CNTN4: variants seen among roughly 807,000 people sequenced by gnomAD.
CNTN4 encodes contactin 4, also known as contactin-4.
CNTN4 carries 77 observed loss-of-function variants against 122.5 expected under a neutral mutation model. That is an observed-to-expected ratio of 0.63 (90% confidence interval 0.52 to 0.76). CNTN4 has a LOEUF of 0.76. CNTN4 is among the 30% of genes least tolerant of loss of function. CNTN4 has a pLI of 0.00. For synonymous variants in CNTN4, 512 were observed against 447.0 expected (o/e 1.15, Z -1.83); for missense variants, 1,256 against 1,259.1 (o/e 1.00, Z 0.04).
chr3:2,466,255 G>A (rs879565493), intron 3 of CNTN4, among the ~76,000 whole-genome samples: 1 of 152,194 alleles, frequency 6.6e-6, no homozygotes, highest in Non-Finnish European at 1.5e-5. Context: ...TGATACAAAA[G>A]ATGAAATGCT....
intron 12 of CNTN4, 128 bp downstream of exon 12, chr3:2,903,133 A>T: frequency 2.3e-6 from 2 of 870,526 alleles, no homozygotes; most frequent in Non-Finnish European, 3.5e-6. Flanking sequence ...CAAAGATGCT[A>T]CTCAAGAAAC....
chr3:2,506,258 A>G (rs948307382), intron 3 of CNTN4, among the ~76,000 whole-genome samples: 5 of 152,162 alleles, frequency 3.3e-5, no homozygotes, highest in African/African-American at 1.2e-4. Context: ...ATAAAATGAA[A>G]AGCCTCTGCT....
intron 8 of CNTN4, among the ~76,000 whole-genome samples, chr3:2,874,486 C>T (rs186225908): frequency 3.9e-4 from 59 of 152,146 alleles, no homozygotes; most frequent in African/African-American, 1.4e-3. Flanking sequence ...ATTTAACCAA[C>T]GAATACTCAT....
intron 2 of CNTN4, among the ~76,000 whole-genome samples, chr3:2,179,704 C>T (rs1020388638): frequency 1.3e-5 from 2 of 151,706 alleles, no homozygotes; most frequent in Admixed American, 1.3e-4. Flanking sequence ...AGATGATCTA[C>T]AGGTATAATT....
chr3:2,929,446 A>G (rs2151405139), intron 13 of CNTN4, among the ~76,000 whole-genome samples: 1 of 152,360 alleles, frequency 6.6e-6, no homozygotes, highest in Middle Eastern at 3.4e-3. Flanking sequence ...ATAAGGAGCT[A>G]TACAACAATT....
intron 2 of CNTN4, among the ~76,000 whole-genome samples, chr3:2,100,932 C>G (rs2031895927): frequency 6.6e-6 from 1 of 152,110 alleles, no homozygotes; most frequent in Non-Finnish European, 1.5e-5. Context: ...GACTAAGAGT[C>G]TAAGAGAAGT....
chr3:2,347,016 T>C (rs1042534464), intron 3 of CNTN4, among the ~76,000 whole-genome samples: 1 of 152,246 alleles, frequency 6.6e-6, no homozygotes, highest in Non-Finnish European at 1.5e-5. Flanking sequence ...TTCACTTTTT[T>C]CTTTATGTCT....
chr3:2,826,081 A>T (rs565898854), intron 7 of CNTN4, among the ~76,000 whole-genome samples: 1 of 152,314 alleles, frequency 6.6e-6, no homozygotes, highest in East Asian at 1.9e-4. Flanking sequence ...AGAAGCAAAG[A>T]GATTATGGAG....
At chr3:3,037,842 T>C (rs1275031799) in intron 18 of CNTN4, among the ~76,000 whole-genome samples, 1 of 152,248 alleles carries the variant, frequency 6.6e-6, no homozygotes, top group East Asian at 1.9e-4. Flanking sequence ...ATCGTGCTCA[T>C]TCGAACAAGA....
chr3:2,285,432 A>C (rs532181533), intron 2 of CNTN4, among the ~76,000 whole-genome samples: 4 of 152,096 alleles, frequency 2.6e-5, no homozygotes, highest in Non-Finnish European at 5.9e-5. Flanking sequence ...AAAAGGAAAC[A>C]CTTAAGATTG....
Position 3,056,436 on chromosome 3 carries a change from A to G in CNTN4, c.*216A>G. The G allele has an allele frequency of 1.9e-6, 1 of 518,270 alleles. No individual in the cohort carries two copies. 32.1% of individuals were successfully genotyped at this position (518,270 alleles called of 1,614,324 possible). ...CTTTGGAAACTCTGCAATGCACTGA[A>G]GACATCTGTAATATGATGTTACCAA... On this transcript the variant is annotated 3_prime_UTR_variant, in exon 25 of 25. Transcript: ENST00000418658.
chr3:2,982,355 G>T (rs949081217), intron 13 of CNTN4, among the ~76,000 whole-genome samples: 1 of 152,160 alleles, frequency 6.6e-6, no homozygotes, highest in Non-Finnish European at 1.5e-5. Flanking sequence ...CACTCTTCCT[G>T]TTGTCAGGGC....
intron 3 of CNTN4, among the ~76,000 whole-genome samples, chr3:2,493,313 A>C (rs996581092): frequency 1.3e-5 from 2 of 152,042 alleles, no homozygotes; most frequent in Non-Finnish European, 2.9e-5. Flanking sequence ...ATTATACTGG[A>C]CATTGGAAGA....
At chr3:2,103,097 A>G (rs1375426619) in intron 2 of CNTN4, among the ~76,000 whole-genome samples, 1 of 152,054 alleles carries the variant, frequency 6.6e-6, no homozygotes, top group Non-Finnish European at 1.5e-5. Context: ...TAGAGAAATT[A>G]AGTTATTTGT....
chr3:2,137,180 C>T (rs1206447078), intron 2 of CNTN4, among the ~76,000 whole-genome samples: 1 of 152,104 alleles, frequency 6.6e-6, no homozygotes, highest in Non-Finnish European at 1.5e-5. Context: ...TAAAATGGCT[C>T]CTTTAGACTG....
intron 4 of CNTN4, among the ~76,000 whole-genome samples, chr3:2,667,409 A>G (rs149668435): frequency 0.01 from 1,598 of 152,278 alleles, 30 homozygotes; most frequent in African/African-American, 0.037. Flanking sequence ...CTGTCTGTTC[A>G]TATCCTTTGC....
intron 3 of CNTN4, among the ~76,000 whole-genome samples, chr3:2,556,508 TA>T (rs1228692245): frequency 6.6e-6 from 1 of 152,186 alleles, no homozygotes; most frequent in African/African-American, 2.4e-5. Flanking sequence ...GGATGTGCAG[TA>T]GGTTTTTTTA....
chr3:2,109,507 A>G (rs920472699), intron 2 of CNTN4, among the ~76,000 whole-genome samples: 1 of 152,180 alleles, frequency 6.6e-6, no homozygotes, highest in African/African-American at 2.4e-5. Flanking sequence ...ATTAATATAA[A>G]TCTTGAGTGT....
chr3:2,464,349 A>C (rs1255121998), intron 3 of CNTN4, among the ~76,000 whole-genome samples: 2 of 152,216 alleles, frequency 1.3e-5, no homozygotes, highest in Non-Finnish European at 1.5e-5. Context: ...GAAGTGGCGC[A>C]TTAGGAACTA....
Sources: gnomAD v4.1 joint callset for allele counts (sites outside exome capture counted in the v4.1 genomes callset) on GRCh38, gnomAD v4.1.1 for gene constraint, MANE v1.5 for transcripts, NCBI Gene and HGNC (gene_info 2026-07-23, HGNC 2026-07-21) for gene names.